Variants in LRP1B observed in about 807,000 individuals in gnomAD.
LRP1B encodes LDL receptor related protein 1B.
In LRP1B, 217 loss-of-function variants were observed where a neutral mutation model predicts 556.6. That is an observed-to-expected ratio of 0.39 (90% confidence interval 0.35 to 0.44). The LOEUF (loss-of-function observed/expected upper bound fraction) is 0.44. LRP1B is among the 20% of genes least tolerant of loss of function. The pLI is 1.00. For missense variants in LRP1B, 5,053 were observed against 5,620.8 expected (o/e 0.90, Z 3.23); for synonymous variants, 2,047 against 1,865.8 (o/e 1.10, Z -2.50).
Position 142,023,027 on chromosome 2 carries a change from A to G in LRP1B, c.82+107621T>C, listed in dbSNP as rs1369201564. ...TCTAGAAGACCACAGCTAAAGATCA[A>G]TGGAGACCAGGTACTGCAAAGGCTC... On this transcript the variant is annotated intron_variant, in intron 1 of 90. Coordinates refer to ENST00000389484, the MANE Select transcript of LRP1B (RefSeq NM_018557.3). Among the ~76,000 whole-genome samples the G allele has an allele frequency of 5.9e-5, 9 of 152,146 alleles. 1 individual carries two copies. The East Asian group carries it at 1.4e-3, about 23-fold the overall frequency.
chr2:140,449,909 G>A (rs1686816532), intron 63 of LRP1B, among the ~76,000 whole-genome samples: 1 of 152,108 alleles, frequency 6.6e-6, no homozygotes, highest in African/African-American at 2.4e-5. Context: ...AGTGACCTAT[G>A]GAGTGAAGTA....
chr2:142,101,209 G>C (rs1327122808), intron 1 of LRP1B, among the ~76,000 whole-genome samples: 1 of 151,964 alleles, frequency 6.6e-6, no homozygotes, highest in South Asian at 2.1e-4. Flanking sequence ...ACCACAGCCA[G>C]GCTGGATATC....
At chr2:140,952,793 G>A (rs1695757590) in intron 18 of LRP1B, among the ~76,000 whole-genome samples, 1 of 152,084 alleles carries the variant, frequency 6.6e-6, no homozygotes, top group African/African-American at 2.4e-5. Context: ...TATAATTGCT[G>A]AACACTTTAT....
At chr2:140,421,741 A>G (rs918752637) in intron 66 of LRP1B, among the ~76,000 whole-genome samples, 1 of 152,196 alleles carries the variant, frequency 6.6e-6, no homozygotes, top group Non-Finnish European at 1.5e-5. Context: ...CAGCTTTCTA[A>G]GGCCAAAACT....
At chr2:141,426,674 AT>A (rs1416010738) in intron 3 of LRP1B, among the ~76,000 whole-genome samples, 2 of 152,186 alleles carry the variant, frequency 1.3e-5, no homozygotes, top group Admixed American at 6.6e-5. Flanking sequence ...TCACTGTAAC[AT>A]TTCATTTCAA....
chr2:140,998,131 A>T (rs1263505394), intron 15 of LRP1B, among the ~76,000 whole-genome samples: 2 of 152,084 alleles, frequency 1.3e-5, no homozygotes, highest in African/African-American at 4.8e-5. Flanking sequence ...AGAGGAATAT[A>T]TCTGGGGCTC....
chr2:141,193,362 T>C (rs1459953734), intron 6 of LRP1B, among the ~76,000 whole-genome samples: 2 of 151,900 alleles, frequency 1.3e-5, no homozygotes, highest in Admixed American at 6.6e-5. Flanking sequence ...CGTGACTGAT[T>C]GGATAAAGAA....
intron 18 of LRP1B, among the ~76,000 whole-genome samples, chr2:140,968,010 G>GTTGTATGT (rs1482436778): frequency 1.9e-5 from 1 of 52,440 alleles, no homozygotes; most frequent in African/African-American, 5.3e-5. Context: ...CTCTTTTTTT[G>GTTGTATGT]CCAGGCTTTG....
chr2:140,429,579 C>A (rs539904652), intron 66 of LRP1B, among the ~76,000 whole-genome samples: 11 of 152,254 alleles, frequency 7.2e-5, no homozygotes, highest in Admixed American at 3.9e-4. Context: ...CGGCATAATT[C>A]TCATAAAAAC....
chr2:141,531,104 A>G (rs1279448510), intron 2 of LRP1B, among the ~76,000 whole-genome samples: 1 of 152,094 alleles, frequency 6.6e-6, no homozygotes, highest in Non-Finnish European at 1.5e-5. Flanking sequence ...AACATGGGGC[A>G]AGAAGGTAGT....
chr2:140,427,325 G>A lies in LRP1B; in HGVS notation c.10414+15179C>T, dbSNP rs576971829. On this transcript the variant is annotated intron_variant, in intron 66 of 90. Transcript: ENST00000389484. ...TTGCTCACCCACGTTGCAGCCCAGG[G>A]CTGCTCCCCACCCCCCTTCTCCGTG... Among the ~76,000 whole-genome samples the A allele has an allele frequency of 2.0e-5, 3 of 152,178 alleles. No homozygotes were observed. In the East Asian group the frequency reaches 5.8e-4, roughly 30 times the overall value.
intron 6 of LRP1B, among the ~76,000 whole-genome samples, chr2:141,219,017 CAGTG>C (rs1482806325): frequency 2.6e-5 from 4 of 152,192 alleles, no homozygotes; most frequent in African/African-American, 9.6e-5. Flanking sequence ...ACAAGGGAGG[CAGTG>C]AGTAACTGTG....
chr2:141,248,108 A>AC (rs1684134595), intron 4 of LRP1B, among the ~76,000 whole-genome samples: 1 of 151,768 alleles, frequency 6.6e-6, no homozygotes, highest in Non-Finnish European at 1.5e-5. Flanking sequence ...CTATTCCTCT[A>AC]CCCCTTCATT....
chr2:140,543,451 T>C (rs1027929862), intron 43 of LRP1B, among the ~76,000 whole-genome samples: 1 of 151,912 alleles, frequency 6.6e-6, no homozygotes, highest in African/African-American at 2.4e-5. Flanking sequence ...TGATTCAATA[T>C]TAAAAAATCA....
chr2:140,918,983 C>A (rs899023174), intron 21 of LRP1B, among the ~76,000 whole-genome samples: 1 of 151,960 alleles, frequency 6.6e-6, no homozygotes, highest in Non-Finnish European at 1.5e-5. Context: ...CTTGTCATAT[C>A]TGTGCTGAAT....
At chr2:140,634,848 G>A (rs966891436) in intron 41 of LRP1B, among the ~76,000 whole-genome samples, 1 of 151,940 alleles carries the variant, frequency 6.6e-6, no homozygotes, top group Admixed American at 6.6e-5. Context: ...TGAGAGACAC[G>A]ACAACTAAAT....
At chr2:142,087,135 T>C (rs777891778) in intron 1 of LRP1B, among the ~76,000 whole-genome samples, 6 of 152,170 alleles carry the variant, frequency 3.9e-5, no homozygotes, top group Non-Finnish European at 7.4e-5. Flanking sequence ...TAGTTTTCTA[T>C]TTTAGGTTTC....
At chr2:141,112,955 T>C (rs149211652) in intron 7 of LRP1B, among the ~76,000 whole-genome samples, 1 of 152,170 alleles carries the variant, frequency 6.6e-6, no homozygotes, top group African/African-American at 2.4e-5. Context: ...AAGCCTGTGA[T>C]AAAATTATAG....
At chr2:140,738,211 T>A (rs1376084878) in intron 35 of LRP1B, among the ~76,000 whole-genome samples, 1 of 152,152 alleles carries the variant, frequency 6.6e-6, no homozygotes, top group East Asian at 1.9e-4. Flanking sequence ...GGTGTCACCA[T>A]ACTTGCATGG....
Sources: gnomAD v4.1 joint callset for allele counts (sites outside exome capture counted in the v4.1 genomes callset) on GRCh38, gnomAD v4.1.1 for gene constraint, MANE v1.5 for transcripts, NCBI Gene and HGNC (gene_info 2026-07-23, HGNC 2026-07-21) for gene names.